The following BLTP2 variants were observed in gnomAD, a reference collection of about 807,000 sequenced individuals.
BLTP2 encodes the protein U937-associated antigen.
the BLTP2 span, among the ~76,000 whole-genome samples, chr17:28,644,806 G>C: frequency 6.6e-6 from 1 of 152,036 alleles, no homozygotes; most frequent in Non-Finnish European, 1.5e-5. Context: ...CCCATCCCTG[G>C]GAGCTCGGGC....
the BLTP2 span, chr17:28,643,119 A>G: frequency 1.9e-6 from 3 of 1,610,974 alleles, no homozygotes; most frequent in South Asian, 1.1e-5. Context: ...TCCAAAGCCA[A>G]CCATGCCAAA....
At chr17:28,640,418 T>C in the BLTP2 span, 1 of 864,752 alleles carries the variant, frequency 1.2e-6, no homozygotes, top group Non-Finnish European at 1.8e-6. Context: ...TTTTTTAATT[T>C]TTCCCACACT....
chr17:28,631,424 G>A, the BLTP2 span: 1 of 1,505,930 alleles, frequency 6.6e-7, no homozygotes, highest in Non-Finnish European at 9.2e-7. Flanking sequence ...GCCCAAGTAG[G>A]CTGAGATACC....
At chr17:28,623,744 A>G in the BLTP2 span, 2 of 1,611,510 alleles carry the variant, frequency 1.2e-6, no homozygotes, top group Non-Finnish European at 1.7e-6. Flanking sequence ...GGGCCTTCAC[A>G]AACTCACTGA....
the BLTP2 span, chr17:28,635,463 A>G: frequency 1.2e-6 from 2 of 1,614,070 alleles, no homozygotes; most frequent in African/African-American, 2.7e-5. Flanking sequence ...TAGTTCCTGA[A>G]GTCTCTAGTG....
At chr17:28,629,174 G>A in the BLTP2 span, among the ~76,000 whole-genome samples, 3 of 151,856 alleles carry the variant, frequency 2.0e-5, no homozygotes, top group African/African-American at 7.2e-5. Context: ...CTCCCAAGTA[G>A]CTGGGACTAC....
At chr17:28,625,538 A>T in the BLTP2 span, among the ~76,000 whole-genome samples, 1 of 152,146 alleles carries the variant, frequency 6.6e-6, no homozygotes, top group South Asian at 2.1e-4. Context: ...AGCATGCCCA[A>T]ATGTGAACTC....
the BLTP2 span, chr17:28,636,818 T>C: frequency 1.5e-6 from 1 of 658,126 alleles, no homozygotes; most frequent in South Asian, 1.9e-5. Context: ...ATAGGAGGAC[T>C]GCTTGAGCCC....
At chr17:28,643,654 A>G in the BLTP2 span, 1 of 1,614,088 alleles carries the variant, frequency 6.2e-7, no homozygotes. Context: ...ACAGGTTATC[A>G]ATTTCCTAAA....
At chr17:28,645,131 G>T in the BLTP2 span, 2 of 1,251,846 alleles carry the variant, frequency 1.6e-6, no homozygotes, top group East Asian at 3.1e-5. Context: ...GCGCAGCACC[G>T]CCGCGGGCCG....
At chr17:28,630,338 G>C in the BLTP2 span, among the ~76,000 whole-genome samples, 1 of 149,542 alleles carries the variant, frequency 6.7e-6, no homozygotes, top group South Asian at 2.1e-4. Flanking sequence ...TTGTATTTTT[G>C]GTAGAGACAG....
the BLTP2 span, chr17:28,621,464 A>T: frequency 1.9e-6 from 3 of 1,614,230 alleles, no homozygotes; most frequent in Middle Eastern, 1.6e-4. Flanking sequence ...CACAGAGTCC[A>T]GACTACGCTG....
chr17:28,635,691 C>G, the BLTP2 span: 117 of 1,409,258 alleles, frequency 8.3e-5, no homozygotes, highest in African/African-American at 1.3e-3. Context: ...CACATGCACA[C>G]CTGGCTCAAG....
chr17:28,644,897 A>C, the BLTP2 span: 2 of 1,136,924 alleles, frequency 1.8e-6, no homozygotes, highest in South Asian at 1.3e-5. Flanking sequence ...CGCCTCAGTA[A>C]GGCGCGCGCC....
At chr17:28,622,429 A>G in the BLTP2 span, among the ~76,000 whole-genome samples, 2 of 149,826 alleles carry the variant, frequency 1.3e-5, no homozygotes, top group African/African-American at 4.8e-5. Flanking sequence ...GGGAGGTGAA[A>G]AGAGGGATCA....
chr17:28,643,508 C>T, the BLTP2 span: 2 of 1,406,694 alleles, frequency 1.4e-6, no homozygotes, highest in Non-Finnish European at 2.0e-6. Context: ...AACAACCTCC[C>T]TTCCTCCTTG....
chr17:28,639,670 G>A, the BLTP2 span: 4 of 1,603,942 alleles, frequency 2.5e-6, no homozygotes, highest in Non-Finnish European at 3.4e-6. Flanking sequence ...ACAGATCAGA[G>A]GAGAGCACTG....
At chr17:28,631,017 T>C in the BLTP2 span, among the ~76,000 whole-genome samples, 1 of 152,166 alleles carries the variant, frequency 6.6e-6, no homozygotes, top group Non-Finnish European at 1.5e-5. Flanking sequence ...GCTTGGAATA[T>C]ATGAGAAACC....
the BLTP2 span, among the ~76,000 whole-genome samples, chr17:28,636,313 A>T: frequency 2.6e-5 from 4 of 152,168 alleles, no homozygotes; most frequent in Non-Finnish European, 5.9e-5. Flanking sequence ...TCCCATGTCC[A>T]TTTGTTACCC....
Sources: gnomAD v4.1 joint callset for allele counts (sites outside exome capture counted in the v4.1 genomes callset) on GRCh38, gnomAD v4.1.1 for gene constraint, MANE v1.5 for transcripts, NCBI Gene and HGNC (gene_info 2026-07-23, HGNC 2026-07-21) for gene names.